The following ROBO1 variants were observed in gnomAD, a reference collection of about 807,000 sequenced individuals.
The protein encoded by ROBO1 is roundabout homolog 1.
A neutral mutation model predicts 195.9 loss-of-function variants in ROBO1; 149 were observed. The ratio of observed to expected loss-of-function variants is 0.76; its 90% CI spans 0.67 to 0.87. The LOEUF is 0.87. Among genes scored for constraint, ROBO1 ranks in the 40% least tolerant of loss-of-function variants. The pLI is 0.00. For synonymous variants in ROBO1, 816 were observed against 733.2 expected (o/e 1.11, Z -1.82); for missense variants, 1,933 against 2,068.3 (o/e 0.93, Z 1.27).
chr3:78,674,353 G>A (rs1428090824), intron 10 of ROBO1, among the ~76,000 whole-genome samples: 3 of 152,298 alleles, frequency 2.0e-5, no homozygotes, highest in East Asian at 1.9e-4. Flanking sequence ...AGCTAAAGAC[G>A]AATAGTATCC....
chr3:78,611,700 C>G (rs148717977), intron 28 of ROBO1, among the ~76,000 whole-genome samples: 41 of 152,300 alleles, frequency 2.7e-4, no homozygotes, highest in African/African-American at 9.1e-4. Flanking sequence ...ATGTTGAAGT[C>G]CTAACCCCCA....
intron 1 of ROBO1, among the ~76,000 whole-genome samples, chr3:79,712,925 C>A (rs1167572911): frequency 1.3e-5 from 2 of 151,948 alleles, no homozygotes; most frequent in Admixed American, 1.3e-4. Context: ...GCATGGTTTA[C>A]TGAGTATTTT....
chr3:79,623,135 T>TCAA (rs34450942), intron 1 of ROBO1, among the ~76,000 whole-genome samples: 41,201 of 150,834 alleles, frequency 0.27, 6,730 homozygotes, highest in African/African-American at 0.47. Context: ...AACAATGGCA[T>TCAA]CAACAACAAC....
intron 4 of ROBO1, among the ~76,000 whole-genome samples, chr3:78,804,798 A>G (rs1284830423): frequency 6.6e-6 from 1 of 150,914 alleles, no homozygotes; most frequent in African/African-American, 2.4e-5. Context: ...TTGGCAAACA[A>G]CTTTTCCTCT....
At chr3:78,884,644 AAAGAAAGGAAGGAAGGAAGG>A (rs1414185119) in intron 4 of ROBO1, among the ~76,000 whole-genome samples, 29 of 81,050 alleles carry the variant, frequency 3.6e-4, no homozygotes, top group African/African-American at 8.2e-4. Context: ...AGAAAGAAAG[AAAGAAAGGAAGGAAGGAAGG>A]AAGGAAGGAA....
chr3:78,839,539 TA>T (rs1232826003), intron 4 of ROBO1, among the ~76,000 whole-genome samples: 2 of 151,814 alleles, frequency 1.3e-5, no homozygotes, highest in South Asian at 2.1e-4. Context: ...AATATTAGGA[TA>T]AAAAAGACAA....
intron 2 of ROBO1, among the ~76,000 whole-genome samples, chr3:79,396,680 G>T (rs760260739): frequency 6.6e-6 from 1 of 151,994 alleles, no homozygotes; most frequent in Non-Finnish European, 1.5e-5. Flanking sequence ...GCATATTTTA[G>T]ATCCATTGTA....
At chr3:79,174,981 C>T (rs2081240901) in intron 2 of ROBO1, among the ~76,000 whole-genome samples, 1 of 151,506 alleles carries the variant, frequency 6.6e-6, no homozygotes, top group South Asian at 2.1e-4. Flanking sequence ...AATGATAAAA[C>T]CAAGGTAGAA....
chr3:78,825,434 G>A (rs1404885187), intron 4 of ROBO1, among the ~76,000 whole-genome samples: 1 of 152,100 alleles, frequency 6.6e-6, no homozygotes, highest in Admixed American at 6.6e-5. Context: ...TCTAAGGAGA[G>A]GAGTTAGAAA....
chr3:78,998,472 C>T (rs1396269937), intron 3 of ROBO1, among the ~76,000 whole-genome samples: 1 of 152,102 alleles, frequency 6.6e-6, no homozygotes. Context: ...TATTTTGTAA[C>T]ATTTCAGGCA....
intron 3 of ROBO1, among the ~76,000 whole-genome samples, chr3:79,055,625 C>T (rs1308117925): frequency 6.6e-6 from 1 of 151,992 alleles, no homozygotes; most frequent in Non-Finnish European, 1.5e-5. Context: ...CAATGGGGGG[C>T]TGAAATTAAT....
chr3:79,013,335 G>A (rs1392580840), intron 3 of ROBO1, among the ~76,000 whole-genome samples: 3 of 152,170 alleles, frequency 2.0e-5, no homozygotes. Flanking sequence ...ACAATGTTTT[G>A]AATCACATTC....
intron 8 of ROBO1, among the ~76,000 whole-genome samples, chr3:78,711,063 T>C (rs530751363): frequency 1.3e-5 from 2 of 152,306 alleles, no homozygotes; most frequent in South Asian, 4.1e-4. Context: ...ATTGTATATA[T>C]TTAAAGTATA....
intron 2 of ROBO1, among the ~76,000 whole-genome samples, chr3:79,551,491 T>G (rs1229022923): frequency 6.6e-6 from 1 of 152,130 alleles, no homozygotes; most frequent in African/African-American, 2.4e-5. Flanking sequence ...AAAAATTTGT[T>G]GTGAAAATGT....
intron 4 of ROBO1, among the ~76,000 whole-genome samples, chr3:78,805,862 A>T (rs2084522248): frequency 6.6e-6 from 1 of 152,148 alleles, no homozygotes; most frequent in African/African-American, 2.4e-5. Context: ...AGCCAGTGAT[A>T]CATTTGTGCT....
At chr3:79,192,817 T>C (rs2081563707) in intron 2 of ROBO1, among the ~76,000 whole-genome samples, 1 of 151,660 alleles carries the variant, frequency 6.6e-6, no homozygotes, top group Non-Finnish European at 1.5e-5. Context: ...AACCAAGTTA[T>C]CTACACTTTG....
At position 78,956,467 on chromosome 3, in the gene ROBO1, T is replaced by C. The variant is rs116617660; in HGVS notation, c.173-17540A>G. 6.6e-3 allele frequency among the ~76,000 whole-genome samples: 1,011 copies of C among 152,262 alleles called. 14 individuals carry two copies. The highest frequency in any genetic ancestry group is 0.023 in the African/African-American group (963 of 41,580). ...TCTTAATTTTGAAGGAAAAAAGCCA[T>C]AAAAACCAGTTTTGTTGAAATATCT... On this transcript the variant is annotated intron_variant, in intron 3 of 30. Transcript: ENST00000464233.
intron 1 of ROBO1, among the ~76,000 whole-genome samples, chr3:79,653,899 T>C (rs1946085279): frequency 6.6e-6 from 1 of 152,004 alleles, no homozygotes; most frequent in Non-Finnish European, 1.5e-5. Context: ...TAACTGAAGA[T>C]TGGAAGTTCC....
chr3:78,959,020 C>G (rs1054999956), intron 3 of ROBO1, among the ~76,000 whole-genome samples: 2 of 151,888 alleles, frequency 1.3e-5, no homozygotes, highest in Non-Finnish European at 2.9e-5. Context: ...CCAGGTGGGT[C>G]TCCAACTCCT....
Sources: allele counts gnomAD v4.1 joint callset (sites outside exome capture counted in the v4.1 genomes callset), GRCh38; gene constraint gnomAD v4.1.1; transcripts MANE v1.5; gene names NCBI Gene and HGNC (gene_info 2026-07-23, HGNC 2026-07-21).